Variants in ZFAT observed in about 807,000 individuals in gnomAD.
The protein encoded by ZFAT is zinc finger protein ZFAT.
In ZFAT, 64 loss-of-function variants were observed where a neutral mutation model predicts 117.7. The ratio of observed to expected loss-of-function variants is 0.54; its 90% CI spans 0.44 to 0.67. ZFAT has a LOEUF of 0.67. ZFAT is among the 30% of genes least tolerant of loss of function. The pLI is 0.00. For missense variants in ZFAT, 1,433 were observed against 1,584.5 expected, an observed-to-expected ratio of 0.90 and a Z score of 1.62; for synonymous variants, 679 against 615.0, an observed-to-expected ratio of 1.10 and a Z score of -1.54.
At chr8:134,721,459 G>A in the ZFAT span, among the ~76,000 whole-genome samples, 4 of 152,216 alleles carry the variant, frequency 2.6e-5, no homozygotes, top group African/African-American at 9.7e-5. Context: ...TGACGGAAGA[G>A]GATGACAGGG....
At chr8:134,551,859 T>C (rs374042244) in intron 11 of ZFAT, among the ~76,000 whole-genome samples, 22 of 152,284 alleles carry the variant, frequency 1.4e-4, no homozygotes, top group African/African-American at 5.1e-4. Context: ...CGACACATTA[T>C]AAAGGCCTTC....
In ZFAT at chr8:134,520,946, A is replaced by G; in HGVS notation, c.3171T>C (p.Asn1057=). ...AGCCATGTTTGTTCTTCAAGTGCCT[A>G]TTGAACTCCCATTTGGTGCCATATA... ...SFVYGTKWEF[N]RHLKNKHGLK... is the part of the protein sequence containing the mutation. Residue 1057 remains asparagine, a synonymous_variant, in exon 13 of 16, where the codon AAT becomes AAC. Transcript: ENST00000377838. The G allele has an allele frequency of 5.0e-6, 8 of 1,613,942 alleles. No homozygotes were observed. The highest frequency in any genetic ancestry group is 1.3e-5 in the African/African-American group (1 of 75,042).
rs77093412 is a variant in ZFAT at position 134,600,408 on chromosome 8, G to A, written c.2475+28C>T. 6,666 of 1,595,786 alleles carry A rather than the reference G, an allele frequency of 4.2e-3. 203 individuals are homozygous for A. In the African/African-American group the frequency reaches 0.071, roughly 17 times the overall value. ...AAAGCAATGAGCACCCAGGGGAGACGGGGCTGCCGCTTGGGCTTGCTACTT... is the reference window on the plus strand; with the variant it reads ...AAAGCAATGAGCACCCAGGGGAGACAGGGCTGCCGCTTGGGCTTGCTACTT... On this transcript the variant is annotated intron_variant, in intron 7 of 15. Coordinates refer to ENST00000377838, the MANE Select transcript of ZFAT (RefSeq NM_020863.4).
At chr8:134,777,505 TTC>T in the ZFAT span, among the ~76,000 whole-genome samples, 2 of 152,196 alleles carry the variant, frequency 1.3e-5, no homozygotes, top group Admixed American at 6.5e-5. Flanking sequence ...TTAAGACTCT[TTC>T]TCTGTCTTAA....
chr8:134,622,014 C>T (rs934011715), intron 3 of ZFAT, among the ~76,000 whole-genome samples: 2 of 152,214 alleles, frequency 1.3e-5, no homozygotes, highest in African/African-American at 4.8e-5. Context: ...CTGTAAGGTT[C>T]ACATGAGGGA....
At chr8:134,703,178 T>C (rs1051944270) in intron 1 of ZFAT, among the ~76,000 whole-genome samples, 2 of 152,246 alleles carry the variant, frequency 1.3e-5, no homozygotes, top group African/African-American at 4.8e-5. Context: ...ATTGTCTTTT[T>C]AATTTTTACC....
intron 14 of ZFAT, 90 bp from the exon 15 acceptor site, chr8:134,509,839 G>T: frequency 6.7e-7 from 1 of 1,496,496 alleles, no homozygotes. Context: ...TCTCTCGGGT[G>T]ACGCCTTCTC....
the ZFAT span, among the ~76,000 whole-genome samples, chr8:134,735,995 G>GTCAA: frequency 1.3e-5 from 2 of 152,140 alleles, no homozygotes; most frequent in Non-Finnish European, 2.9e-5. Context: ...GCTCCAAAGA[G>GTCAA]TCAAGCAGGC....
intron 11 of ZFAT, among the ~76,000 whole-genome samples, chr8:134,556,031 A>AGAAGGAAGGAAGGAAGGAAGGAAGGAAG (rs767538738): frequency 8.3e-5 from 5 of 60,374 alleles, no homozygotes; most frequent in African/African-American, 2.9e-4. Context: ...AGGGAGGGAG[A>AGAAGGAAGGAAGGAAGGAAGGAAGGAAG]GAAGGAAGGA....
At chr8:134,540,418 G>T (rs185663062) in intron 11 of ZFAT, among the ~76,000 whole-genome samples, 19 of 152,222 alleles carry the variant, frequency 1.2e-4, no homozygotes, top group African/African-American at 4.3e-4. Context: ...GTCATCTGAG[G>T]CTCCAAGAAA....
At chr8:134,773,984 A>ATT in the ZFAT span, among the ~76,000 whole-genome samples, 4,150 of 103,110 alleles carry the variant, frequency 0.04, 491 homozygotes, top group Non-Finnish European at 0.06. Flanking sequence ...TTGAGGATTA[A>ATT]TTTTTTTTTT....
the ZFAT span, among the ~76,000 whole-genome samples, chr8:134,825,174 T>C: frequency 1.9e-4 from 29 of 152,338 alleles, no homozygotes; most frequent in Non-Finnish European, 2.9e-4. Flanking sequence ...AAGAGGTACA[T>C]ATGCCTCTCT....
intron 15 of ZFAT, among the ~76,000 whole-genome samples, chr8:134,497,253 T>A (rs1467644464): frequency 1.3e-5 from 2 of 152,266 alleles, no homozygotes; most frequent in African/African-American, 4.8e-5. Context: ...GATGTAATGA[T>A]ACTTCTAAAA....
intron 12 of ZFAT, among the ~76,000 whole-genome samples, chr8:134,521,770 G>A (rs540922023): frequency 6.6e-6 from 1 of 152,318 alleles, no homozygotes; most frequent in Admixed American, 6.5e-5. Flanking sequence ...AGTCTCAGGA[G>A]ACTAAGGGTA....
intron 1 of ZFAT, among the ~76,000 whole-genome samples, chr8:134,677,281 A>G (rs2131285836): frequency 6.6e-6 from 1 of 152,352 alleles, no homozygotes; most frequent in Non-Finnish European, 1.5e-5. Context: ...AATCCCACAG[A>G]AATACAAACT....
rs1436556691 is a variant in ZFAT at position 134,512,478 on chromosome 8, T to G, written c.3358A>C (p.Ser1120Arg). Residue 1120 changes from serine (S) to arginine (R), a missense_variant, in exon 14 of 16, where the codon AGT (serine) becomes CGT (arginine). Ser to Arg is a moderately radical substitution (Grantham distance 110). Transcript: ENST00000377838. Reference sequence around the variant, plus strand: ...AAGGAAGACCAGGCGTCCTCACCACTCTCAGAGGTGTATCTCAGGTCCTGG... The same window carrying G: ...AAGGAAGACCAGGCGTCCTCACCACGCTCAGAGGTGTATCTCAGGTCCTGG... ...ALQDLRYTSE[S>R]GDRLDPTAVN... The G allele has an allele frequency of 2.5e-6, 4 of 1,613,840 alleles. No individual in the cohort carries two copies. The highest frequency in any genetic ancestry group is 3.4e-6 in the Non-Finnish European group (4 of 1,179,826).
the ZFAT span, among the ~76,000 whole-genome samples, chr8:134,778,033 G>A: frequency 1.3e-5 from 2 of 152,120 alleles, no homozygotes; most frequent in Admixed American, 1.3e-4. Flanking sequence ...CTTCCTGCCA[G>A]CTTTCAAATT....
chr8:134,539,353 A>G (rs1314306087), intron 11 of ZFAT, among the ~76,000 whole-genome samples: 1 of 152,230 alleles, frequency 6.6e-6, no homozygotes, highest in Non-Finnish European at 1.5e-5. Context: ...TCATCAGGTA[A>G]TGTTTTTGCA....
intron 2 of ZFAT, among the ~76,000 whole-genome samples, chr8:134,646,846 C>A (rs546901662): frequency 6.6e-6 from 1 of 152,072 alleles, no homozygotes; most frequent in South Asian, 2.1e-4. Context: ...AAGACTGGAT[C>A]ATAAGGAAAT....
Sources: gnomAD v4.1 joint callset for allele counts (sites outside exome capture counted in the v4.1 genomes callset) on GRCh38, gnomAD v4.1.1 for gene constraint, MANE v1.5 for transcripts, NCBI Gene and HGNC (gene_info 2026-07-23, HGNC 2026-07-21) for gene names.